The following PPM1H variants were observed in gnomAD, a reference collection of about 807,000 sequenced individuals.
PPM1H encodes protein phosphatase 1H.
A neutral mutation model predicts 54.9 loss-of-function variants in PPM1H; 27 were observed. The ratio of observed to expected loss-of-function variants is 0.49; its 90% CI spans 0.36 to 0.68. The LOEUF is 0.68. Ranked by LOEUF, PPM1H falls within the 30% of genes least tolerant of loss-of-function variation. The pLI is 0.00. For missense variants in PPM1H, 596 were observed against 667.8 expected, an observed-to-expected ratio of 0.89 and a Z score of 1.19; for synonymous variants, 305 against 270.8, an observed-to-expected ratio of 1.13 and a Z score of -1.24.
At chr12:62,871,154 C>T (rs1476361823) in intron 1 of PPM1H, among the ~76,000 whole-genome samples, 1 of 152,114 alleles carries the variant, frequency 6.6e-6, no homozygotes, top group African/African-American at 2.4e-5. Context: ...TATCTATCAA[C>T]TGGTGAATGG....
chr12:62,747,496 C>A (rs778104212), intron 4 of PPM1H, among the ~76,000 whole-genome samples: 1 of 152,062 alleles, frequency 6.6e-6, no homozygotes, highest in African/African-American at 2.4e-5. Context: ...CCTAAGCCTC[C>A]GAAAGTGTTG....
chr12:62,904,995 C>CT (rs955584444), intron 1 of PPM1H, among the ~76,000 whole-genome samples: 3 of 152,138 alleles, frequency 2.0e-5, no homozygotes, highest in African/African-American at 7.2e-5. Context: ...TAAGAGGGGG[C>CT]TTCAGAGCCA....
intron 5 of PPM1H, among the ~76,000 whole-genome samples, chr12:62,736,892 G>A (rs1198087091): frequency 6.6e-6 from 1 of 152,220 alleles, no homozygotes; most frequent in Admixed American, 6.5e-5. Flanking sequence ...TTGAAGACAA[G>A]GAAGTGAGTC....
chr12:62,710,269 C>T (rs2076199664), intron 6 of PPM1H, among the ~76,000 whole-genome samples: 1 of 152,060 alleles, frequency 6.6e-6, no homozygotes, highest in African/African-American at 2.4e-5. Flanking sequence ...GTGTGGCTCA[C>T]ACCTGTAATC....
intron 5 of PPM1H, among the ~76,000 whole-genome samples, chr12:62,730,090 T>C (rs1216487081): frequency 6.6e-6 from 1 of 151,658 alleles, no homozygotes. Context: ...ACAACCCCCC[T>C]TTGACTGTAA....
chr12:62,684,217 T>C (rs1419354600), intron 8 of PPM1H, among the ~76,000 whole-genome samples: 1 of 152,152 alleles, frequency 6.6e-6, no homozygotes, highest in African/African-American at 2.4e-5. Context: ...AAACATCCCC[T>C]ACACTCAACC....
At chr12:62,719,891 G>A (rs573721546) in intron 6 of PPM1H, among the ~76,000 whole-genome samples, 5 of 152,106 alleles carry the variant, frequency 3.3e-5, no homozygotes, top group African/African-American at 4.8e-5. Flanking sequence ...TGTTTTTAAA[G>A]CCCTCAAATA....
intron 1 of PPM1H, among the ~76,000 whole-genome samples, chr12:62,917,770 G>T (rs375693103): frequency 6.6e-6 from 1 of 151,792 alleles, no homozygotes; most frequent in Non-Finnish European, 1.5e-5. Flanking sequence ...TATAACCTGT[G>T]CTTGGTGCTC....
In PPM1H at chr12:62,765,122, T is replaced by C. The variant is rs142527611; in HGVS notation, c.869+23104A>G. Reference sequence around the variant, plus strand: ...GTTGTGTGTGGAAACTGGACTGGTATAGGACAGAGCTGAGAGAGGGAACCA... The same window carrying C: ...GTTGTGTGTGGAAACTGGACTGGTACAGGACAGAGCTGAGAGAGGGAACCA... On this transcript the variant is annotated intron_variant, in intron 4 of 9. Transcript: ENST00000228705. Among the ~76,000 whole-genome samples, 1,409 of 152,274 alleles carry C rather than the reference T, an allele frequency of 9.3e-3. 24 individuals are homozygous for C. The highest frequency in any genetic ancestry group is 0.032 in the African/African-American group (1,347 of 41,540).
At chr12:62,701,765 G>A (rs1009368651) in intron 6 of PPM1H, among the ~76,000 whole-genome samples, 1 of 151,682 alleles carries the variant, frequency 6.6e-6, no homozygotes, top group East Asian at 1.9e-4. Flanking sequence ...GCTGGCTCCT[G>A]GACATCACTT....
At chr12:62,651,849 A>G (rs1021947690) in intron 9 of PPM1H, among the ~76,000 whole-genome samples, 9 of 152,194 alleles carry the variant, frequency 5.9e-5, no homozygotes, top group Non-Finnish European at 1.2e-4. Flanking sequence ...TGTGTTCAGC[A>G]CAAATACTGC....
At chr12:62,690,338 C>T (rs2076076238) in intron 7 of PPM1H, among the ~76,000 whole-genome samples, 1 of 152,150 alleles carries the variant, frequency 6.6e-6, no homozygotes, top group Non-Finnish European at 1.5e-5. Flanking sequence ...CTCTTGCCCT[C>T]CCAGAGTTCA....
chr12:62,894,996 C>T lies in PPM1H; in HGVS notation c.245+39496G>A, dbSNP rs188689005. On this transcript the variant is annotated intron_variant, in intron 1 of 9. Coordinates refer to ENST00000228705, the MANE Select transcript of PPM1H (RefSeq NM_020700.2). ...TTTTATATAGTTACTGTTAAAGTTACCAGCATCAGTTGTTTATTCTAGTTA... is the reference window on the plus strand; with the variant it reads ...TTTTATATAGTTACTGTTAAAGTTATCAGCATCAGTTGTTTATTCTAGTTA... 2.4e-3 allele frequency among the ~76,000 whole-genome samples: 367 copies of T among 152,304 alleles called. 2 individuals are homozygous for T. The highest frequency in any genetic ancestry group is 4.2e-3 in the Non-Finnish European group (286 of 68,024).
At chr12:62,919,219 T>A (rs1871716170) in intron 1 of PPM1H, among the ~76,000 whole-genome samples, 1 of 152,178 alleles carries the variant, frequency 6.6e-6, no homozygotes, top group African/African-American at 2.4e-5. Flanking sequence ...AAAGAGGACA[T>A]CAGGGACGTT....
At chr12:62,838,237 T>C (rs1046685833) in intron 1 of PPM1H, among the ~76,000 whole-genome samples, 2 of 151,828 alleles carry the variant, frequency 1.3e-5, no homozygotes, top group Non-Finnish European at 2.9e-5. Context: ...GCAGACAGTA[T>C]TGACAAATGT....
At chr12:62,763,482 G>A (rs977970597) in intron 4 of PPM1H, among the ~76,000 whole-genome samples, 3 of 152,210 alleles carry the variant, frequency 2.0e-5, no homozygotes, top group Admixed American at 1.3e-4. Context: ...TTTCAGCTGT[G>A]AGACTAATTG....
intron 4 of PPM1H, among the ~76,000 whole-genome samples, chr12:62,772,704 C>T (rs949031557): frequency 6.6e-6 from 1 of 152,088 alleles, no homozygotes; most frequent in Admixed American, 6.5e-5. Flanking sequence ...AACCACTTTC[C>T]TTTGGGAAAG....
chr12:62,719,286 G>C (rs1240093413), intron 6 of PPM1H, among the ~76,000 whole-genome samples: 1 of 152,206 alleles, frequency 6.6e-6, no homozygotes, highest in Non-Finnish European at 1.5e-5. Context: ...CAATGGGGAA[G>C]AGATAAGAAA....
Position 62,860,838 on chromosome 12 carries a change from C to G in PPM1H, c.246-28559G>C, listed in dbSNP as rs113253373. ...CTATTAAGTTTCCTCGCCACAGAAA[C>G]AATGGGGTTGTTGGATGAACATGGC... On this transcript the variant is annotated intron_variant, in intron 1 of 9. Coordinates refer to ENST00000228705, the MANE Select transcript of PPM1H (RefSeq NM_020700.2). Among the ~76,000 whole-genome samples the G allele has an allele frequency of 8.5e-5, 13 of 152,284 alleles. 1 individual carries two copies. The highest frequency in any genetic ancestry group is 3.1e-4 in the African/African-American group (13 of 41,566).
Sources: gnomAD v4.1 joint callset for allele counts (sites outside exome capture counted in the v4.1 genomes callset) on GRCh38, gnomAD v4.1.1 for gene constraint, MANE v1.5 for transcripts, NCBI Gene and HGNC (gene_info 2026-07-23, HGNC 2026-07-21) for gene names.